KRABD2: variants seen among roughly 807,000 people sequenced by gnomAD.
The protein encoded by KRABD2 is KRAB domain containing 2.
the KRABD2 span, among the ~76,000 whole-genome samples, chr17:8,372,560 G>A: frequency 6.6e-6 from 1 of 152,106 alleles, no homozygotes; most frequent in African/African-American, 2.4e-5. This position sits in a 1 kb window ranked among gnomAD's most constrained non-coding sequence, Gnocchi z 4.1. Flanking sequence ...CCAAAGTGTT[G>A]GAATTACAGG....
the KRABD2 span, chr17:8,369,511 C>T: frequency 6.2e-7 from 1 of 1,614,138 alleles, no homozygotes; most frequent in Non-Finnish European, 8.5e-7. Flanking sequence ...ATGTTCTTTA[C>T]ATCACGGCTT....
At chr17:8,363,256 A>G in the KRABD2 span, among the ~76,000 whole-genome samples, 1 of 152,218 alleles carries the variant, frequency 6.6e-6, no homozygotes, top group African/African-American at 2.4e-5. Flanking sequence ...GGAGCCTGGA[A>G]GAGGCATAAG....
At chr17:8,369,968 C>A in the KRABD2 span, 10 of 1,614,190 alleles carry the variant, frequency 6.2e-6, no homozygotes, top group Non-Finnish European at 8.5e-6. Flanking sequence ...TTCCTTGCAG[C>A]TCCTTGAGCA....
the KRABD2 span, chr17:8,371,794 A>G: frequency 5.9e-6 from 7 of 1,180,582 alleles, 1 homozygote; most frequent in African/African-American, 9.3e-5. Flanking sequence ...TCTGTTTCCA[A>G]TGGAAATATT....
the KRABD2 span, among the ~76,000 whole-genome samples, chr17:8,374,665 G>A: frequency 1.3e-5 from 2 of 148,572 alleles, no homozygotes; most frequent in Admixed American, 1.3e-4. Flanking sequence ...TGAATGATTC[G>A]GCCGGGCGTG....
chr17:8,373,193 CCT>C, the KRABD2 span, among the ~76,000 whole-genome samples: 1 of 149,402 alleles, frequency 6.7e-6, no homozygotes, highest in Non-Finnish European at 1.5e-5. Context: ...TCTCCCTCTC[CCT>C]CTCTCTCCAC....
chr17:8,373,115 TC>T, the KRABD2 span, among the ~76,000 whole-genome samples: 5 of 151,158 alleles, frequency 3.3e-5, no homozygotes, highest in African/African-American at 1.2e-4. Flanking sequence ...TCTCTCCATC[TC>T]CGTCTCCACG....
the KRABD2 span, chr17:8,369,175 G>A: frequency 6.2e-7 from 1 of 1,614,108 alleles, no homozygotes; most frequent in Non-Finnish European, 8.5e-7. Context: ...GAGGTGCTGG[G>A]TTCTGAAGCT....
chr17:8,368,386 TGCCATAAAAAATTATG>T, the KRABD2 span, among the ~76,000 whole-genome samples: 12 of 152,084 alleles, frequency 7.9e-5, no homozygotes, highest in African/African-American at 2.9e-4. Flanking sequence ...TTCTTAGGGC[TGCCATAAAAAATTATG>T]GCCTTCTCAG....
the KRABD2 span, chr17:8,371,552 G>A: frequency 6.4e-7 from 1 of 1,574,312 alleles, no homozygotes. Flanking sequence ...AAAGGACTCT[G>A]AAAGCGAGTC....
chr17:8,367,013 C>G, the KRABD2 span: 1 of 152,172 alleles, frequency 6.6e-6, no homozygotes, highest in Non-Finnish European at 1.5e-5. Context: ...AGCCACCGTG[C>G]CCAGCCTTCC....
the KRABD2 span, among the ~76,000 whole-genome samples, chr17:8,363,200 T>C: frequency 1.3e-5 from 2 of 151,988 alleles, no homozygotes; most frequent in African/African-American, 4.8e-5. Flanking sequence ...AAGAATATGT[T>C]AGGGGAGATT....
the KRABD2 span, among the ~76,000 whole-genome samples, chr17:8,362,772 G>T: frequency 3.3e-5 from 5 of 152,192 alleles, no homozygotes; most frequent in East Asian, 9.6e-4. The surrounding 1 kb of genome is among the most constrained non-coding windows in gnomAD (Gnocchi z 4.2). Flanking sequence ...GAGGGCCCAG[G>T]GCTTTGGCTC....
chr17:8,376,382 C>A, the KRABD2 span: 1 of 1,177,010 alleles, frequency 8.5e-7, no homozygotes, highest in African/African-American at 1.6e-5. Flanking sequence ...CAATCGATTG[C>A]TATGAAGATT....
chr17:8,368,357 G>A, the KRABD2 span, among the ~76,000 whole-genome samples: 1 of 152,134 alleles, frequency 6.6e-6, no homozygotes, highest in African/African-American at 2.4e-5. Flanking sequence ...TAAGGGAAAA[G>A]TTCGGGTCTG....
chr17:8,363,408 G>C, the KRABD2 span, among the ~76,000 whole-genome samples: 1 of 152,152 alleles, frequency 6.6e-6, no homozygotes, highest in Admixed American at 6.6e-5. Flanking sequence ...CTAGAGTGCA[G>C]TGGCACGATC....
At chr17:8,364,817 T>C in the KRABD2 span, among the ~76,000 whole-genome samples, 2 of 152,080 alleles carry the variant, frequency 1.3e-5, no homozygotes, top group African/African-American at 4.8e-5. The surrounding 1 kb of genome is among the most constrained non-coding windows in gnomAD (Gnocchi z 4.4). Flanking sequence ...GTGGATCACC[T>C]GAGGTCAGGA....
chr17:8,367,275 GAT>G, the KRABD2 span: 9 of 151,964 alleles, frequency 5.9e-5, no homozygotes, highest in African/African-American at 2.2e-4. Flanking sequence ...GAGGCAGGTG[GAT>G]CACGAGGTCA....
At chr17:8,369,691 C>T in the KRABD2 span, 182 of 1,614,112 alleles carry the variant, frequency 1.1e-4, 2 homozygotes, top group East Asian at 2.0e-3. Flanking sequence ...TCTAACAAGA[C>T]ACTGACCACC....
Sources: allele counts gnomAD v4.1 joint callset (sites outside exome capture counted in the v4.1 genomes callset), GRCh38; gene constraint gnomAD v4.1.1; non-coding constraint Gnocchi (gnomAD v3.1); transcripts MANE v1.5; gene names NCBI Gene and HGNC (gene_info 2026-07-23, HGNC 2026-07-21).